The following SEMA3A variants were observed in gnomAD, a reference collection of about 807,000 sequenced individuals.
The protein encoded by SEMA3A is semaphorin 3A.
Under a neutral mutation model 97.9 loss-of-function variants are expected in SEMA3A, and 29 were observed. That is an observed-to-expected ratio of 0.30 (90% CI 0.22 to 0.40). The LOEUF (loss-of-function observed/expected upper bound fraction) is 0.40, where lower values mean the gene tolerates loss of function less well. SEMA3A is among the 10% of genes least tolerant of loss of function. The pLI is 1.00. For synonymous variants in SEMA3A, 321 were observed against 323.7 expected, an observed-to-expected ratio of 0.99 and a Z score of 0.09; for missense variants, 763 against 951.3, an observed-to-expected ratio of 0.80 and a Z score of 2.60.
intron 1 of SEMA3A, among the ~76,000 whole-genome samples, chr7:84,439,860 T>A (rs1805230752): frequency 6.6e-6 from 1 of 152,198 alleles, no homozygotes; most frequent in Non-Finnish European, 1.5e-5. Context: ...ATATATGTAT[T>A]TTTAAATGAT....
chr7:84,119,577 G>C (rs1795540182), intron 3 of SEMA3A, among the ~76,000 whole-genome samples: 1 of 152,150 alleles, frequency 6.6e-6, no homozygotes. Flanking sequence ...AAGGAAAATA[G>C]TCAAAAGTTG....
chr7:84,156,029 C>A (rs565388898), intron 1 of SEMA3A, among the ~76,000 whole-genome samples: 1 of 152,154 alleles, frequency 6.6e-6, no homozygotes, highest in East Asian at 1.9e-4. Context: ...ATCTTTAAAG[C>A]CCTTTTTCTG....
intron 3 of SEMA3A, among the ~76,000 whole-genome samples, chr7:84,228,745 T>C (rs149073084): frequency 6.6e-6 from 1 of 152,254 alleles, no homozygotes; most frequent in East Asian, 1.9e-4. Flanking sequence ...TTTGCCGGGA[T>C]TCCTCCCTGC....
chr7:84,122,210 A>T (rs1795641362), intron 3 of SEMA3A, among the ~76,000 whole-genome samples: 1 of 151,960 alleles, frequency 6.6e-6, no homozygotes. Context: ...ATCTACAAAG[A>T]ACTAAAACAA....
In SEMA3A at chr7:84,440,050, G is replaced by T. The variant is rs1268651191; in HGVS notation, c.-246+52410C>A. Among the ~76,000 whole-genome samples, 5 of 152,252 alleles carry T rather than the reference G, an allele frequency of 3.3e-5. No homozygotes were observed. In the South Asian group the frequency reaches 1.0e-3, roughly 32 times the overall value. On this transcript the variant is annotated intron_variant, in intron 1 of 3. Coordinates refer to the SEMA3A transcript ENST00000424555. ...ACAATTACATTTGGAACAGAGGAAA[G>T]AAACAAGTAAGTGAGAAGGTACTTT...
At position 84,172,479 on chromosome 7, in the gene SEMA3A, G is replaced by A. The variant is rs1456838373; in HGVS notation, c.112+21996C>T. Among the ~76,000 whole-genome samples the A allele has an allele frequency of 2.0e-5, 3 of 152,072 alleles. 1 individual carries two copies. The highest frequency in any genetic ancestry group is 1.9e-4 in the East Asian group (1 of 5,172). Reference sequence around the variant, plus strand: ...GCTCTGTCACCCAGGCTGGAGTGCAGTGGGCTATCTAGGTTCACTTCAAGC... The same window carrying A: ...GCTCTGTCACCCAGGCTGGAGTGCAATGGGCTATCTAGGTTCACTTCAAGC... On this transcript the variant is annotated intron_variant, in intron 1 of 16. Coordinates refer to ENST00000265362, the MANE Select transcript of SEMA3A (RefSeq NM_006080.3).
chr7:84,314,931 A>AT (rs1801455180), intron 2 of SEMA3A, among the ~76,000 whole-genome samples: 1 of 152,186 alleles, frequency 6.6e-6, no homozygotes, highest in African/African-American at 2.4e-5. Flanking sequence ...AAGTAATTTG[A>AT]TTTGTTTTAA....
At chr7:84,289,547 TA>T (rs1455749848) in intron 3 of SEMA3A, among the ~76,000 whole-genome samples, 5 of 151,954 alleles carry the variant, frequency 3.3e-5, no homozygotes, top group Non-Finnish European at 7.4e-5. Flanking sequence ...AAACACAAAA[TA>T]AATGCAATGA....
chr7:84,473,757 C>CA (rs1266903936), intron 1 of SEMA3A, among the ~76,000 whole-genome samples: 2 of 151,946 alleles, frequency 1.3e-5, no homozygotes, highest in Non-Finnish European at 1.5e-5. Context: ...CAGAAACTAA[C>CA]AAAAACATTT....
chr7:84,320,759 T>C (rs1193564917), intron 2 of SEMA3A, among the ~76,000 whole-genome samples: 1 of 152,106 alleles, frequency 6.6e-6, no homozygotes, highest in Non-Finnish European at 1.5e-5. Flanking sequence ...CATGATGTAG[T>C]GAGAGAGCAG....
chr7:84,220,627 A>G (rs1798854189), intron 3 of SEMA3A, among the ~76,000 whole-genome samples: 1 of 152,168 alleles, frequency 6.6e-6, no homozygotes. Context: ...CATGAAAACA[A>G]CATTAATCTC....
chr7:84,397,633 C>A (rs1338332439), intron 1 of SEMA3A, among the ~76,000 whole-genome samples: 1 of 151,682 alleles, frequency 6.6e-6, no homozygotes, highest in Admixed American at 6.6e-5. Context: ...GGAGTTTTTA[C>A]AATTCCTAGC....
chr7:84,481,455 A>C (rs1204530336), intron 1 of SEMA3A, among the ~76,000 whole-genome samples: 1 of 152,216 alleles, frequency 6.6e-6, no homozygotes, highest in Non-Finnish European at 1.5e-5. Flanking sequence ...ACTGATGTTG[A>C]AATCCACTAT....
chr7:84,241,625 A>G (rs1446844199), intron 3 of SEMA3A, among the ~76,000 whole-genome samples: 1 of 152,056 alleles, frequency 6.6e-6, no homozygotes, highest in Non-Finnish European at 1.5e-5. Flanking sequence ...GAAGCTCTTT[A>G]GTTTAATTAG....
At chr7:84,262,512 C>A (rs1019815779) in intron 3 of SEMA3A, among the ~76,000 whole-genome samples, 9 of 152,166 alleles carry the variant, frequency 5.9e-5, no homozygotes. Flanking sequence ...CCATGCCTGG[C>A]CAATGTATTT....
At chr7:84,106,013 A>G (rs1055041423) in intron 4 of SEMA3A, among the ~76,000 whole-genome samples, 3 of 152,200 alleles carry the variant, frequency 2.0e-5, no homozygotes, top group African/African-American at 7.2e-5. Context: ...GAGTTAATTA[A>G]TAGGTCTACC....
intron 11 of SEMA3A, among the ~76,000 whole-genome samples, chr7:84,003,626 A>G (rs894753013): frequency 3.3e-5 from 5 of 152,120 alleles, no homozygotes; most frequent in Non-Finnish European, 4.4e-5. Context: ...TTGGTCAAAT[A>G]CCCAGAAGCA....
intron 1 of SEMA3A, among the ~76,000 whole-genome samples, chr7:84,474,807 G>C (rs1158124923): frequency 6.6e-6 from 1 of 152,042 alleles, no homozygotes; most frequent in African/African-American, 2.4e-5. Context: ...AGTAAAAATG[G>C]AGAGAAAATA....
At chr7:84,165,478 T>A (rs1797174222) in intron 1 of SEMA3A, among the ~76,000 whole-genome samples, 1 of 150,432 alleles carries the variant, frequency 6.6e-6, no homozygotes, top group South Asian at 2.1e-4. Context: ...AAAATCTTTT[T>A]CTGTTCTAGT....
Sources: allele counts gnomAD v4.1 joint callset (sites outside exome capture counted in the v4.1 genomes callset), GRCh38; gene constraint gnomAD v4.1.1; transcripts MANE v1.5; gene names NCBI Gene and HGNC (gene_info 2026-07-23, HGNC 2026-07-21).